AGPS: variants seen among roughly 807,000 people sequenced by gnomAD.
AGPS encodes alkylglycerone phosphate synthase, also known as alkyldihydroxyacetonephosphate synthase, peroxisomal.
A neutral mutation model predicts 90.7 loss-of-function variants in AGPS; 26 were observed. The observed-to-expected ratio is 0.29, with a 90% CI of 0.21 to 0.40. The LOEUF is 0.40. Among genes scored for constraint, AGPS ranks in the 10% least tolerant of loss-of-function variants. The pLI is 1.00. For synonymous variants in AGPS, 294 were observed against 285.3 expected (o/e 1.03, Z -0.31); for missense variants, 540 against 816.1 (o/e 0.66, Z 4.12).
intron 8 of AGPS, among the ~76,000 whole-genome samples, chr2:177,448,660 T>C (rs1188305253): frequency 6.6e-6 from 1 of 152,226 alleles, no homozygotes; most frequent in African/African-American, 2.4e-5. Flanking sequence ...TGTTTTATAT[T>C]GCTTTATAAT....
intron 8 of AGPS, among the ~76,000 whole-genome samples, chr2:177,453,378 T>G (rs1275666517): frequency 6.6e-6 from 1 of 151,782 alleles, no homozygotes; most frequent in Non-Finnish European, 1.5e-5. Flanking sequence ...TTCAAGCGAT[T>G]CTCCTGCCTC....
intron 7 of AGPS, among the ~76,000 whole-genome samples, chr2:177,444,866 GA>G (rs1397322030): frequency 6.6e-6 from 1 of 152,172 alleles, no homozygotes; most frequent in Admixed American, 6.5e-5. Context: ...GGTCAAATAA[GA>G]ATGCCAAATA....
chr2:177,473,641 C>G (rs535215468), intron 10 of AGPS, among the ~76,000 whole-genome samples: 47 of 151,928 alleles, frequency 3.1e-4, no homozygotes, highest in Non-Finnish European at 5.0e-4. Flanking sequence ...ACATAATATT[C>G]CCAGAAAAAA....
intron 17 of AGPS, among the ~76,000 whole-genome samples, chr2:177,514,573 T>G (rs1688972838): frequency 6.6e-6 from 1 of 152,196 alleles, no homozygotes; most frequent in Non-Finnish European, 1.5e-5. Flanking sequence ...GCATGATAAT[T>G]TGCATATATT....
At chr2:177,414,946 G>C (rs1685743077) in intron 1 of AGPS, among the ~76,000 whole-genome samples, 1 of 129,950 alleles carries the variant, frequency 7.7e-6, no homozygotes, top group Admixed American at 8.2e-5. Context: ...ATACATATAT[G>C]ATGAATGCAT....
At chr2:177,466,008 T>C (rs939731856) in intron 9 of AGPS, among the ~76,000 whole-genome samples, 11 of 152,220 alleles carry the variant, frequency 7.2e-5, no homozygotes, top group Non-Finnish European at 1.5e-4. Context: ...GAGTGCTTTA[T>C]TGAGTGACAA....
chr2:177,399,102 C>T (rs1685262630), intron 1 of AGPS, among the ~76,000 whole-genome samples: 1 of 152,172 alleles, frequency 6.6e-6, no homozygotes, highest in Non-Finnish European at 1.5e-5. Context: ...CCCTTGTGGT[C>T]ATTTAATAAA....
At chr2:177,413,213 C>T (rs1685674882) in intron 1 of AGPS, among the ~76,000 whole-genome samples, 1 of 152,214 alleles carries the variant, frequency 6.6e-6, no homozygotes, top group Admixed American at 6.5e-5. Context: ...GTATGGATTT[C>T]AGTCTTGGTA....
chr2:177,503,694 A>G (rs1355887773), intron 14 of AGPS, among the ~76,000 whole-genome samples: 1 of 152,212 alleles, frequency 6.6e-6, no homozygotes, highest in Admixed American at 6.5e-5. Flanking sequence ...TTTTAAGGTA[A>G]TTCTGGCTAG....
chr2:177,441,614 T>A (rs1686603357), intron 6 of AGPS: 1 of 153,232 alleles, frequency 6.5e-6, no homozygotes, highest in African/African-American at 2.4e-5. Flanking sequence ...TTTGTAAAAT[T>A]ACGCTGAACC....
chr2:177,421,312 A>G (rs1305840580), intron 2 of AGPS, among the ~76,000 whole-genome samples: 1 of 152,076 alleles, frequency 6.6e-6, no homozygotes, highest in Non-Finnish European at 1.5e-5. Context: ...TTTAATATCT[A>G]TTGGACATTA....
chr2:177,497,404 A>G (rs1553516713), intron 12 of AGPS, among the ~76,000 whole-genome samples: 2 of 151,890 alleles, frequency 1.3e-5, no homozygotes, highest in South Asian at 2.1e-4. Context: ...AACCTAAACT[A>G]TGTGTAGTAT....
intron 10 of AGPS, 107 bp from the exon 11 acceptor site, chr2:177,481,952 A>T: frequency 9.1e-7 from 1 of 1,100,262 alleles, no homozygotes; most frequent in Non-Finnish European, 1.3e-6. Context: ...TAGACTTGAT[A>T]AATTTAAATG....
At chr2:177,529,417 C>T (rs2079117570) in intron 19 of AGPS, among the ~76,000 whole-genome samples, 2 of 152,130 alleles carry the variant, frequency 1.3e-5, no homozygotes, top group South Asian at 4.1e-4. Context: ...TTGCAGTGAG[C>T]TGGCATCGCA....
At chr2:177,483,699 A>G (rs771719396) in intron 11 of AGPS, among the ~76,000 whole-genome samples, 9 of 152,224 alleles carry the variant, frequency 5.9e-5, no homozygotes, top group Non-Finnish European at 1.2e-4. Context: ...TAGAGTATAT[A>G]GTATTAACAC....
At chr2:177,513,440 G>A (rs1178580383) in intron 16 of AGPS, among the ~76,000 whole-genome samples, 1 of 152,060 alleles carries the variant, frequency 6.6e-6, no homozygotes, top group Non-Finnish European at 1.5e-5. Flanking sequence ...GGTAAAGATT[G>A]GTATTCCTGT....
At position 177,517,075 on chromosome 2, in the gene AGPS, T is replaced by C. The variant is rs1238177538; in HGVS notation, c.1697+3167T>C. Among the ~76,000 whole-genome samples the C allele has an allele frequency of 3.3e-5, 5 of 152,138 alleles. No homozygotes were observed. In the South Asian group the frequency reaches 8.3e-4, roughly 25 times the overall value. ...ATTGTAGATTAGATTCTATTTGTAT[T>C]GTGTAGTAAAAAGAGTATTTCCTCT... On this transcript the variant is annotated intron_variant, in intron 17 of 19. Coordinates refer to ENST00000264167, the MANE Select transcript of AGPS (RefSeq NM_003659.4).
At chr2:177,402,493 T>G (rs1455332100) in intron 1 of AGPS, among the ~76,000 whole-genome samples, 2 of 152,230 alleles carry the variant, frequency 1.3e-5, no homozygotes, top group Admixed American at 1.3e-4. Flanking sequence ...TTACACCTTT[T>G]ATTGTGCCAT....
At chr2:177,531,124 G>T (rs2079133461) in intron 19 of AGPS, among the ~76,000 whole-genome samples, 1 of 151,926 alleles carries the variant, frequency 6.6e-6, no homozygotes, top group African/African-American at 2.4e-5. Context: ...AAAAGTAAAA[G>T]GAAACTACTC....
Sources: allele counts gnomAD v4.1 joint callset (sites outside exome capture counted in the v4.1 genomes callset), GRCh38; gene constraint gnomAD v4.1.1; transcripts MANE v1.5; gene names NCBI Gene and HGNC (gene_info 2026-07-23, HGNC 2026-07-21).